RNF25: variants seen among roughly 807,000 people sequenced by gnomAD.
RNF25 encodes E3 ubiquitin-protein ligase RNF25.
In RNF25, 32 loss-of-function variants were observed where a neutral mutation model predicts 65.0. The ratio of observed to expected loss-of-function variants is 0.49; its 90% CI spans 0.37 to 0.66. The LOEUF (loss-of-function observed/expected upper bound fraction) is 0.66. Among genes scored for constraint, RNF25 ranks in the 30% least tolerant of loss-of-function variants. The pLI is 0.00. For missense variants in RNF25, 493 were observed against 584.8 expected (o/e 0.84, Z 1.62); for synonymous variants, 207 against 221.2 (o/e 0.94, Z 0.57).
intron 1 of RNF25, among the ~76,000 whole-genome samples, chr2:218,670,131 C>T (rs1424961885): frequency 3.4e-5 from 5 of 148,324 alleles, no homozygotes; most frequent in African/African-American, 1.0e-4. Context: ...CCCAGGAGGT[C>T]GAGGCTGTAG....
chr2:218,668,102 T>C lies in RNF25; in HGVS notation c.264A>G (p.Gly88=). The C allele has an allele frequency of 1.2e-6, 2 of 1,613,762 alleles. No homozygotes were observed. The highest frequency in any genetic ancestry group is 8.5e-7 in the Non-Finnish European group (1 of 1,179,900). Residue 88 remains glycine (G), a synonymous_variant, in exon 4 of 10, where the codon GGA becomes GGG. Transcript: ENST00000295704. Reference sequence around the variant, plus strand: ...ACGTGTGGATCTGTTCATCTGAAAGTCCTCGGGGATTTCGGATAGAGATCT... The same window carrying C: ...ACGTGTGGATCTGTTCATCTGAAAGCCCTCGGGGATTTCGGATAGAGATCT... ...VPQISIRNPR[G]LSDEQIHTIL...
At chr2:218,668,395 T>C in intron 2 of RNF25, 54 bp from the exon 3 acceptor site, 3 of 675,342 alleles carry the variant, frequency 4.4e-6, no homozygotes, top group Non-Finnish European at 4.7e-6. Context: ...GCTTGGGGGC[T>C]GGGGAGGATG....
At chr2:218,669,916 C>A (rs1160956168) in intron 1 of RNF25, among the ~76,000 whole-genome samples, 3 of 152,104 alleles carry the variant, frequency 2.0e-5, no homozygotes, top group Admixed American at 6.6e-5. Flanking sequence ...AGGTGTCTCC[C>A]CTGAATCTTA....
rs938016747 is a variant in RNF25 at position 218,665,998 on chromosome 2, C to G, written c.491G>C (p.Arg164Pro). ...CTCTTGCTCCATGTGCTGGATGTAC[C>G]GAGCAAGGCAGTGGCAGTGGAAGTA... is the stretch of plus-strand genomic sequence containing the variant. ...YHYFHCHCLA[R>P]YIQHMEQELK... Residue 164 changes from arginine to proline, a missense_variant, in exon 7 of 10, where the codon CGG becomes CCG. Transcript: ENST00000295704. 6.2e-7 allele frequency: 1 copy of G among 1,613,952 alleles called. No homozygotes were observed. Among genetic ancestry groups the G allele is most frequent in the Non-Finnish European group, 8.5e-7 (1 of 1,179,998 alleles).
Position 218,668,683 on chromosome 2 carries a change from G to A in RNF25, c.42-4C>T, listed in dbSNP as rs1385330943. On this transcript the variant is annotated splice_region_variant and splice_polypyrimidine_tract_variant and intron_variant, in intron 1 of 9. Transcript: ENST00000295704. Reference sequence around the variant, plus strand: ...TTCAACTTCAGAGGGAAGGACCCTAGAGAGACAGGAGTAGACTAACTTACC... The same window carrying A: ...TTCAACTTCAGAGGGAAGGACCCTAAAGAGACAGGAGTAGACTAACTTACC... 6.3e-7 allele frequency: 1 copy of A among 1,593,466 alleles called. No homozygotes were observed. Among genetic ancestry groups the A allele is most frequent in the Non-Finnish European group, 8.6e-7 (1 of 1,161,962 alleles).
chr2:218,665,620 A>G (rs1329130255), intron 7 of RNF25, among the ~76,000 whole-genome samples: 7 of 151,846 alleles, frequency 4.6e-5, no homozygotes, highest in Admixed American at 3.9e-4. Flanking sequence ...GCTCGCACCT[A>G]TAATCCCAGC....
chr2:218,670,715 A>AT (rs1466687967), intron 1 of RNF25, among the ~76,000 whole-genome samples: 1 of 151,178 alleles, frequency 6.6e-6, no homozygotes, highest in Non-Finnish European at 1.5e-5. Context: ...AAAAAAAAAA[A>AT]AAAAAATTGG....
At position 218,666,067 on chromosome 2, in the gene RNF25, G is replaced by A. The variant is rs764605532; in HGVS notation, c.430-8C>T. 3.1e-6 allele frequency: 5 copies of A among 1,613,358 alleles called. No individual in the cohort carries two copies. The South Asian group carries it at 3.3e-5, about 11-fold the overall frequency. On this transcript the variant is annotated splice_region_variant and splice_polypyrimidine_tract_variant and intron_variant, in intron 6 of 9. Transcript: ENST00000295704. ...GGTAAAGGCCTCCTTCTCCTAGAGG[G>A]AAGGCAGATGTAGGGCACTAAGTCA...
Position 218,666,274 on chromosome 2 carries a change from C to T in RNF25, c.358-44G>A, listed in dbSNP as rs199650321. 24 of 1,527,218 alleles carry T rather than the reference C, an allele frequency of 1.6e-5. No homozygotes were observed. The East Asian group carries it at 2.3e-4, about 14-fold the overall frequency. The allele number at this position is 1,527,218 out of a possible 1,614,324, so 94.6% of individuals were successfully genotyped here. ...GATTAAACGGGGGTAGGGGGAAGAA[C>T]GGTGAGCAAGGCCTGTCTACTACTC... On this transcript the variant is annotated intron_variant, in intron 5 of 9. Coordinates refer to ENST00000295704, the MANE Select transcript of RNF25 (RefSeq NM_022453.3).
At chr2:218,669,768 G>C (rs1939907194) in intron 1 of RNF25, among the ~76,000 whole-genome samples, 1 of 152,226 alleles carries the variant, frequency 6.6e-6, no homozygotes. Context: ...GTGTTGTTAA[G>C]TCTTAGGCAG....
intron 1 of RNF25, among the ~76,000 whole-genome samples, chr2:218,670,553 G>C (rs1939929878): frequency 6.6e-6 from 1 of 151,926 alleles, no homozygotes; most frequent in African/African-American, 2.4e-5. Flanking sequence ...AAAATTAGCT[G>C]GGTGTGGTGG....
At chr2:218,666,894 C>T (rs777955539) in intron 5 of RNF25, among the ~76,000 whole-genome samples, 6 of 152,266 alleles carry the variant, frequency 3.9e-5, no homozygotes, top group East Asian at 1.9e-4. Flanking sequence ...AGAGGCTGGG[C>T]GTGGTGGCTC....
intron 1 of RNF25, among the ~76,000 whole-genome samples, chr2:218,670,228 C>T (rs1276691361): frequency 2.6e-5 from 4 of 150,972 alleles, no homozygotes; most frequent in Non-Finnish European, 5.9e-5. Context: ...AGAAGTTTCC[C>T]TGAACACTTT....
chr2:218,668,320 G>A lies in RNF25; in HGVS notation c.138C>T (p.Tyr46=), dbSNP rs1939881653. 1.9e-6 allele frequency: 3 copies of A among 1,582,300 alleles called. No individual in the cohort carries two copies. The highest frequency in any genetic ancestry group is 2.6e-6 in the Non-Finnish European group (3 of 1,162,138). The change falls in exon 3 of 10, where the codon TAC becomes TAT. Residue 46 remains tyrosine, a synonymous_variant. Transcript: ENST00000295704. The stretch of plus-strand genomic sequence containing the variant: ...CTGCAGTGGCAGGATGCAAAGTGAT[G>A]TAGATCTCCCATGGTGAAGTTCTGC... ...GNGRTSPWEI[Y]ITLHPATAED...
chr2:218,665,014 T>TG (rs1405179394), intron 8 of RNF25, 141 bp from the exon 9 acceptor site: 2 of 1,440,778 alleles, frequency 1.4e-6, no homozygotes, highest in East Asian at 4.8e-5. Flanking sequence ...CTCCCGCCAG[T>TG]GGGGGATGTG....
rs767781590 is a variant in RNF25 at position 218,666,089 on chromosome 2, GTCAGAGCTCTC to G, written c.430-41_430-31del. 9 of 1,611,972 alleles carry G rather than the reference GTCAGAGCTCTC, an allele frequency of 5.6e-6. No homozygotes were observed. In the South Asian group the frequency reaches 9.9e-5, roughly 18 times the overall value. ...AGGGAAGGCAGATGTAGGGCACTAA[GTCAGAGCTCTC>G]TCACAGCCCTCATCTGCTGGTCCCA... On this transcript the variant is annotated intron_variant, in intron 6 of 9. Transcript: ENST00000295704.
At chr2:218,665,309 A>G (rs1049483118) in intron 7 of RNF25, 62 bp from the exon 8 acceptor site, 2 of 1,464,206 alleles carry the variant, frequency 1.4e-6, no homozygotes, top group Non-Finnish European at 1.9e-6. Flanking sequence ...GTGCTGACCC[A>G]TCAGCCAACC....
In RNF25 at chr2:218,665,975, C is replaced by T; in HGVS notation, c.514G>A (p.Glu172Lys). ...TGCTCCTGTCCTTGTGCCTTCAGCT[C>T]TTGCTCCATGTGCTGGATGTACCGA... ...LARYIQHMEQ[E>K]LKAQGQEQEQ... The change falls in exon 7 of 10, where the codon GAG becomes AAG. Residue 172 changes from glutamate to lysine, a missense_variant. Glu to Lys is a moderately conservative substitution (Grantham distance 56, BLOSUM62 1). Coordinates refer to ENST00000295704, the MANE Select transcript of RNF25 (RefSeq NM_022453.3). 1 of 1,614,178 alleles carries T rather than the reference C, an allele frequency of 6.2e-7. No individual in the cohort carries two copies. Among genetic ancestry groups the T allele is most frequent in the Non-Finnish European group, 8.5e-7 (1 of 1,180,022 alleles).
Position 218,668,296 on chromosome 2 carries a change from T to C in RNF25, c.162A>G (p.Ala54=). The C allele has an allele frequency of 2.5e-6, 4 of 1,613,692 alleles. No individual in the cohort carries two copies. The highest frequency in any genetic ancestry group is 3.4e-6 in the Non-Finnish European group (4 of 1,179,964). Residue 54 remains alanine (A), a synonymous_variant, in exon 3 of 10, where the codon GCA becomes GCG. Transcript: ENST00000295704. Reference sequence around the variant, plus strand: ...AGACATACTGTGAATCCTGGTCCTCTGCAGTGGCAGGATGCAAAGTGATGT... The same window carrying C: ...AGACATACTGTGAATCCTGGTCCTCCGCAGTGGCAGGATGCAAAGTGATGT... ...EIYITLHPAT[A]EDQDSQYVCF...
Sources: allele counts gnomAD v4.1 joint callset (sites outside exome capture counted in the v4.1 genomes callset), GRCh38; gene constraint gnomAD v4.1.1; transcripts MANE v1.5; gene names NCBI Gene and HGNC (gene_info 2026-07-23, HGNC 2026-07-21).